Variants in RFX3 observed in about 807,000 individuals in gnomAD.
RFX3 encodes regulatory factor X3.
A neutral mutation model predicts 98.6 loss-of-function variants in RFX3; 14 were observed. That is an observed-to-expected ratio of 0.14 (90% CI 0.09 to 0.22). The LOEUF (loss-of-function observed/expected upper bound fraction) is 0.22, where lower values mean the gene tolerates loss of function less well. RFX3 is among the 10% of genes least tolerant of loss of function. RFX3 has a pLI of 1.00. For synonymous variants in RFX3, 383 were observed against 328.4 expected (o/e 1.17, Z -1.80); for missense variants, 639 against 926.9 (o/e 0.69, Z 4.03).
At chr9:3,309,619 C>T (rs1829737587) in intron 4 of RFX3, among the ~76,000 whole-genome samples, 1 of 152,018 alleles carries the variant, frequency 6.6e-6, no homozygotes, top group African/African-American at 2.4e-5. Context: ...GTCCAATAAA[C>T]GTTGTGCTTG....
At position 3,266,212 on chromosome 9, in the gene RFX3, G is replaced by C; in HGVS notation, c.1451C>G (p.Thr484Ser). The change falls in exon 12 of 17, where the codon ACC becomes AGC. Residue 484 changes from threonine (T) to serine (S), a missense_variant. This residue lies in a region of RFX3 where 138 missense variants were observed against 308.9 expected (regional missense o/e 0.45). Transcript: ENST00000617270. The part of the protein sequence containing the change: ...MNNIPQRMIQ[T>S]KVAAVSAFAQ... Reference sequence around the variant, plus strand: ...AAGCAAGGACATAAAGTATACCTTGGTTTGTATCATTCTCTGTGGAATATT... The same window carrying C: ...AAGCAAGGACATAAAGTATACCTTGCTTTGTATCATTCTCTGTGGAATATT... The C allele has an allele frequency of 1.3e-6, 2 of 1,594,692 alleles. No homozygotes were observed. The highest frequency in any genetic ancestry group is 1.7e-6 in the Non-Finnish European group (2 of 1,165,106).
At chr9:3,409,138 C>T (rs987763935) in intron 1 of RFX3, among the ~76,000 whole-genome samples, 6 of 152,200 alleles carry the variant, frequency 3.9e-5, no homozygotes, top group East Asian at 1.9e-4. Flanking sequence ...ATTTTGCTAT[C>T]TTCTAGGCCA....
intron 1 of RFX3, among the ~76,000 whole-genome samples, chr9:3,521,142 T>A (rs1243419540): frequency 6.6e-6 from 1 of 152,204 alleles, no homozygotes; most frequent in Non-Finnish European, 1.5e-5. Context: ...TATGTGCTAA[T>A]CATATGAAAT....
intron 2 of RFX3, among the ~76,000 whole-genome samples, chr9:3,356,973 GCACACACACA>G (rs200669491): frequency 2.3e-5 from 3 of 128,968 alleles, no homozygotes; most frequent in African/African-American, 3.3e-5. Flanking sequence ...GCACACACAC[GCACACACACA>G]CACACACACA....
intron 1 of RFX3, among the ~76,000 whole-genome samples, chr9:3,476,617 G>A (rs1042853023): frequency 1.3e-5 from 2 of 152,118 alleles, no homozygotes; most frequent in Non-Finnish European, 2.9e-5. Flanking sequence ...ATAAATTCCA[G>A]AAGAGAACCA....
chr9:3,275,324 A>T lies in RFX3; in HGVS notation c.1086+176T>A, dbSNP rs189091402. 270 of 456,908 alleles carry T rather than the reference A, an allele frequency of 5.9e-4. 1 individual carries two copies. The highest frequency in any genetic ancestry group is 4.7e-3 in the African/African-American group (235 of 49,788). 28.3% of individuals were successfully genotyped at this position (456,908 alleles called of 1,614,324 possible). On this transcript the variant is annotated intron_variant, in intron 9 of 16. Transcript: ENST00000617270. ...TTATTCTCACTTTTCTGCATTCCTC[A>T]TCTCTCCACTCTGAGACCAGAAAGA... is the stretch of plus-strand genomic sequence containing the variant.
chr9:3,427,293 T>A (rs945686947), intron 1 of RFX3, among the ~76,000 whole-genome samples: 21 of 143,376 alleles, frequency 1.5e-4, no homozygotes, highest in African/African-American at 5.1e-4. Flanking sequence ...ATACTATATA[T>A]AAATATATAT....
chr9:3,349,909 G>C (rs764721451), intron 2 of RFX3, among the ~76,000 whole-genome samples: 7 of 151,942 alleles, frequency 4.6e-5, no homozygotes, highest in Non-Finnish European at 8.8e-5. Context: ...ATTCAGAAGT[G>C]ATAAAAATAC....
At chr9:3,448,593 C>T (rs1014218418) in intron 1 of RFX3, among the ~76,000 whole-genome samples, 1 of 152,152 alleles carries the variant, frequency 6.6e-6, no homozygotes, top group Non-Finnish European at 1.5e-5. Flanking sequence ...GCGTGAATTG[C>T]AGCCTCAAAC....
chr9:3,386,356 G>T lies in RFX3; in HGVS notation c.117+9116C>A, dbSNP rs1030151207. 3.3e-5 allele frequency among the ~76,000 whole-genome samples: 5 copies of T among 151,690 alleles called. No individual in the cohort carries two copies. The South Asian group carries it at 6.2e-4, about 19-fold the overall frequency. On this transcript the variant is annotated intron_variant, in intron 2 of 16. Coordinates refer to ENST00000617270, the MANE Select transcript of RFX3 (RefSeq NM_001282116.2). ...GTAAAAAATAATAAACATATTAAAG[G>T]CTTATTATAATCAGGTACTAACCTA...
chr9:3,378,689 T>A (rs917449049), intron 2 of RFX3, among the ~76,000 whole-genome samples: 7 of 151,694 alleles, frequency 4.6e-5, no homozygotes, highest in African/African-American at 1.7e-4. Context: ...CCCAAGTAGC[T>A]AGGGTTACAG....
chr9:3,473,521 A>G (rs536855489), intron 1 of RFX3, among the ~76,000 whole-genome samples: 25 of 152,314 alleles, frequency 1.6e-4, no homozygotes, highest in African/African-American at 6.0e-4. Context: ...AATAATACAC[A>G]TGAGAAGCTC....
intron 13 of RFX3, among the ~76,000 whole-genome samples, chr9:3,259,815 T>C (rs952295316): frequency 6.6e-6 from 1 of 152,218 alleles, no homozygotes; most frequent in African/African-American, 2.4e-5. Context: ...TATATGGATA[T>C]CCTGAAAGGA....
chr9:3,247,400 C>CCAGG, intron 15 of RFX3: 1 of 889,820 alleles, frequency 1.1e-6, no homozygotes, highest in Non-Finnish European at 1.3e-6. Context: ...AAAATCTCTA[C>CCAGG]CATTTTTTAG....
intron 3 of RFX3, among the ~76,000 whole-genome samples, chr9:3,334,461 T>A (rs1014249500): frequency 6.6e-6 from 1 of 152,182 alleles, no homozygotes; most frequent in African/African-American, 2.4e-5. Context: ...ATCATTATAC[T>A]CAGTAAAGAA....
intron 16 of RFX3, among the ~76,000 whole-genome samples, 198 bp downstream of exon 16, chr9:3,228,649 T>A (rs1818079156): frequency 6.6e-6 from 1 of 152,190 alleles, no homozygotes; most frequent in Non-Finnish European, 1.5e-5. Flanking sequence ...TATCTGCATT[T>A]AATATACCTC....
intron 6 of RFX3, among the ~76,000 whole-genome samples, chr9:3,292,430 A>G (rs1352897753): frequency 6.6e-6 from 1 of 152,194 alleles, no homozygotes; most frequent in Non-Finnish European, 1.5e-5. Flanking sequence ...GAACTATACT[A>G]TGTTTTTCCT....
At chr9:3,426,582 C>A (rs1022661791) in intron 1 of RFX3, among the ~76,000 whole-genome samples, 2 of 152,080 alleles carry the variant, frequency 1.3e-5, no homozygotes, top group East Asian at 3.9e-4. Flanking sequence ...ACAGCCACTC[C>A]CCATTGCCCA....
intron 4 of RFX3, 66 bp downstream of exon 4, chr9:3,330,193 T>A (rs912565403): frequency 1.7e-5 from 26 of 1,521,760 alleles, no homozygotes; most frequent in Non-Finnish European, 2.2e-5. Context: ...TTTCCCTCTA[T>A]CAAAGGAAAT....
Sources: gnomAD v4.1 joint callset for allele counts (sites outside exome capture counted in the v4.1 genomes callset) on GRCh38, gnomAD v4.1.1 for gene constraint, gnomAD v4.1.1 regional missense constraint, MANE v1.5 for transcripts, NCBI Gene and HGNC (gene_info 2026-07-23, HGNC 2026-07-21) for gene names.